Variants in RCAN2 observed in about 807,000 individuals in gnomAD.
The protein encoded by RCAN2 is regulator of calcineurin 2, also known as calcipressin-2.
Under a neutral mutation model 23.6 loss-of-function variants are expected in RCAN2, and 9 were observed. The ratio of observed to expected loss-of-function variants is 0.38; its 90% CI spans 0.23 to 0.67. The LOEUF is 0.67. RCAN2 is among the 30% of genes least tolerant of loss of function. The pLI is 0.51. For missense variants in RCAN2, 273 were observed against 302.3 expected (o/e 0.90, Z 0.72); for synonymous variants, 109 against 115.7 (o/e 0.94, Z 0.37).
chr6:46,447,361 A>G (rs988269674), intron 2 of RCAN2, among the ~76,000 whole-genome samples: 2 of 151,940 alleles, frequency 1.3e-5, no homozygotes, highest in Non-Finnish European at 2.9e-5. Context: ...GAATAGAGAG[A>G]GAGAATAGAG....
chr6:46,464,511 T>C (rs997973003), intron 1 of RCAN2, among the ~76,000 whole-genome samples: 1 of 152,162 alleles, frequency 6.6e-6, no homozygotes, highest in Non-Finnish European at 1.5e-5. Context: ...TTTGTCCATC[T>C]TACAGGGAGA....
At chr6:46,355,473 C>T (rs549130896) in intron 2 of RCAN2, among the ~76,000 whole-genome samples, 1 of 152,312 alleles carries the variant, frequency 6.6e-6, no homozygotes, top group Admixed American at 6.5e-5. Context: ...TTGACATCTT[C>T]TTCTATAAGT....
At chr6:46,255,035 G>T (rs1766858383) in intron 2 of RCAN2, among the ~76,000 whole-genome samples, 1 of 152,198 alleles carries the variant, frequency 6.6e-6, no homozygotes, top group East Asian at 1.9e-4. Context: ...CTTCAGAATT[G>T]TATGGTAATA....
chr6:46,309,984 G>A (rs900177592), intron 2 of RCAN2, among the ~76,000 whole-genome samples: 4 of 152,050 alleles, frequency 2.6e-5, no homozygotes, highest in Non-Finnish European at 5.9e-5. Context: ...AAAAGAAAAT[G>A]AGGAAGCCCA....
intron 2 of RCAN2, among the ~76,000 whole-genome samples, chr6:46,374,417 A>C (rs1326766487): frequency 1.3e-5 from 2 of 152,222 alleles, no homozygotes; most frequent in Non-Finnish European, 2.9e-5. Flanking sequence ...TCCAGCTCTC[A>C]AACAGAAAAT....
rs560824789 is a variant in RCAN2 at position 46,312,201 on chromosome 6, A to C, written c.226-63305T>G. On this transcript the variant is annotated intron_variant, in intron 2 of 4. Transcript: ENST00000371374. ...ATGATGGCAACAGTTAAGTACAAGGACATGGTATCAGACTTTTCTTTCTCC... is the reference window on the plus strand; with the variant it reads ...ATGATGGCAACAGTTAAGTACAAGGCCATGGTATCAGACTTTTCTTTCTCC... Among the ~76,000 whole-genome samples the C allele has an allele frequency of 3.3e-5, 5 of 152,324 alleles. No homozygotes were observed. In the East Asian group the frequency reaches 9.7e-4, roughly 29 times the overall value.
chr6:46,476,337 A>C (rs573730580), intron 1 of RCAN2, among the ~76,000 whole-genome samples: 58 of 152,346 alleles, frequency 3.8e-4, no homozygotes, highest in African/African-American at 1.4e-3. Context: ...CCATAAAGCT[A>C]GGTAGCATTA....
At chr6:46,325,912 A>T (rs1431464782) in intron 2 of RCAN2, 3 of 983,982 alleles carry the variant, frequency 3.0e-6, no homozygotes. Context: ...GGTGAATCTG[A>T]CACCAGAGTT....
At chr6:46,366,149 G>A (rs992921468) in intron 2 of RCAN2, among the ~76,000 whole-genome samples, 1 of 152,164 alleles carries the variant, frequency 6.6e-6, no homozygotes, top group Non-Finnish European at 1.5e-5. Flanking sequence ...AACCAATACA[G>A]CGTGGTTACT....
At position 46,356,562 on chromosome 6, in the gene RCAN2, T is replaced by C. The variant is rs564898752; in HGVS notation, c.225+100190A>G. ...TGGGGGAAATCACTCCTTTCAGATATGGATGCAACTGGTGTGGTCAGGGCA... is the reference window on the plus strand; with the variant it reads ...TGGGGGAAATCACTCCTTTCAGATACGGATGCAACTGGTGTGGTCAGGGCA... On this transcript the variant is annotated intron_variant, in intron 2 of 4. Coordinates refer to ENST00000371374, the MANE Select transcript of RCAN2 (RefSeq NM_001251974.2). 2.0e-5 allele frequency among the ~76,000 whole-genome samples: 3 copies of C among 152,298 alleles called. No individual in the cohort carries two copies. In the South Asian group the frequency reaches 6.2e-4, roughly 32 times the overall value.
At chr6:46,407,451 C>T (rs1766434188) in intron 2 of RCAN2, among the ~76,000 whole-genome samples, 1 of 152,168 alleles carries the variant, frequency 6.6e-6, no homozygotes, top group Non-Finnish European at 1.5e-5. Flanking sequence ...CGCAAGTCCC[C>T]ATGGAAAATT....
At chr6:46,332,452 C>T (rs1387664497) in intron 2 of RCAN2, among the ~76,000 whole-genome samples, 2 of 124,818 alleles carry the variant, frequency 1.6e-5, no homozygotes, top group South Asian at 2.8e-4. Flanking sequence ...AAAGTTATCC[C>T]TCCCCCCTCC....
intron 2 of RCAN2, among the ~76,000 whole-genome samples, chr6:46,383,388 C>T (rs779898105): frequency 7.2e-5 from 11 of 152,176 alleles, no homozygotes; most frequent in Admixed American, 2.0e-4. Flanking sequence ...TTTTTGCTTC[C>T]TTTTTACCCA....
Position 46,243,243 on chromosome 6 carries a change from G to T in RCAN2, c.571+3505C>A, listed in dbSNP as rs143028639. 2.0e-5 allele frequency among the ~76,000 whole-genome samples: 3 copies of T among 152,280 alleles called. No individual in the cohort carries two copies. In the East Asian group the frequency reaches 5.8e-4, roughly 29 times the overall value. ...CAATTGTTGGACGCAAATCATGCATGTGTGTGGCTGAGGAAGCTTCAAGGA... is the reference window on the plus strand; with the variant it reads ...CAATTGTTGGACGCAAATCATGCATTTGTGTGGCTGAGGAAGCTTCAAGGA... On this transcript the variant is annotated intron_variant, in intron 4 of 4. Coordinates refer to ENST00000371374, the MANE Select transcript of RCAN2 (RefSeq NM_001251974.2).
chr6:46,488,452 T>C (rs1437365481), intron 1 of RCAN2, among the ~76,000 whole-genome samples: 1 of 152,220 alleles, frequency 6.6e-6, no homozygotes, highest in Non-Finnish European at 1.5e-5. Context: ...CCACTAGTAG[T>C]AGTTCAAATA....
intron 2 of RCAN2, among the ~76,000 whole-genome samples, chr6:46,249,363 G>GGCTGGAGT (rs1766633429): frequency 6.8e-6 from 1 of 147,088 alleles, no homozygotes; most frequent in Admixed American, 6.9e-5. Flanking sequence ...CTGTTGCCCA[G>GGCTGGAGT]GCTGGAGTGC....
intron 2 of RCAN2, among the ~76,000 whole-genome samples, chr6:46,313,584 A>T (rs1210307871): frequency 6.6e-6 from 1 of 152,238 alleles, no homozygotes; most frequent in Non-Finnish European, 1.5e-5. Flanking sequence ...TCCAAAGAAC[A>T]AGTTGCTTTC....
intron 2 of RCAN2, among the ~76,000 whole-genome samples, chr6:46,425,878 C>T (rs879570258): frequency 6.7e-6 from 1 of 149,430 alleles, no homozygotes; most frequent in Admixed American, 6.7e-5. Context: ...CAGATAGAGG[C>T]TAATTACTTC....
At chr6:46,225,646 T>G (rs9395168) in intron 4 of RCAN2, among the ~76,000 whole-genome samples, 1 of 152,186 alleles carries the variant, frequency 6.6e-6, no homozygotes, top group Non-Finnish European at 1.5e-5. Context: ...TTTTTTTTCT[T>G]GTAAATTTGT....
Sources: gnomAD v4.1 joint callset for allele counts (sites outside exome capture counted in the v4.1 genomes callset) on GRCh38, gnomAD v4.1.1 for gene constraint, MANE v1.5 for transcripts, NCBI Gene and HGNC (gene_info 2026-07-23, HGNC 2026-07-21) for gene names.